The following ATP2C1 variants were observed in gnomAD, a reference collection of about 807,000 sequenced individuals.
ATP2C1 encodes calcium-transporting ATPase type 2C member 1.
Under a neutral mutation model 120.5 loss-of-function variants are expected in ATP2C1, and 31 were observed. That is an observed-to-expected ratio of 0.26 (90% CI 0.19 to 0.35). The LOEUF is 0.35. Among genes scored for constraint, ATP2C1 ranks in the 10% least tolerant of loss-of-function variants. The pLI, the probability that ATP2C1 is intolerant of heterozygous loss-of-function variation, is 1.00. For missense variants in ATP2C1, 731 were observed against 1,107.5 expected (o/e 0.66, Z 4.83); for synonymous variants, 351 against 358.7 (o/e 0.98, Z 0.24).
At chr3:130,965,783 T>C (rs921428060) in intron 14 of ATP2C1, among the ~76,000 whole-genome samples, 4 of 152,116 alleles carry the variant, frequency 2.6e-5, no homozygotes, top group African/African-American at 9.7e-5. Flanking sequence ...TATGTTGTCT[T>C]AGCATTTCAT....
intron 17 of ATP2C1, among the ~76,000 whole-genome samples, chr3:130,970,930 G>A (rs1440422673): frequency 6.6e-6 from 1 of 151,924 alleles, no homozygotes; most frequent in East Asian, 1.9e-4. Context: ...GTTCATGAGG[G>A]CCAAAAAAAA....
At chr3:130,869,876 A>G (rs2068374105) in intron 1 of ATP2C1, among the ~76,000 whole-genome samples, 1 of 152,262 alleles carries the variant, frequency 6.6e-6, no homozygotes, top group Non-Finnish European at 1.5e-5. Flanking sequence ...GAGAAGTGGC[A>G]GCAAGTAATC....
At position 131,014,230 on chromosome 3, in the gene ATP2C1, T is replaced by C. The variant is rs1291058493; in HGVS notation, c.2630-1922T>C. ...TTTTTTTTTGAATTTGATCTACCTT[T>C]TGGTAGGAATATTTCAGCGGGGGCA... On this transcript the variant is annotated intron_variant, in intron 26 of 26. Transcript: ENST00000328560. The C allele has an allele frequency of 1.9e-6, 3 of 1,613,870 alleles. No homozygotes were observed. Among genetic ancestry groups the C allele is most frequent in the Admixed American group, 3.3e-5 (2 of 59,972 alleles).
At chr3:130,947,321 G>A (rs1325005779) in intron 8 of ATP2C1, among the ~76,000 whole-genome samples, 2 of 152,024 alleles carry the variant, frequency 1.3e-5, no homozygotes, top group Non-Finnish European at 2.9e-5. Flanking sequence ...CACATTTAAG[G>A]TGTATCGTTC....
intron 2 of ATP2C1, among the ~76,000 whole-genome samples, chr3:130,913,087 ACT>A (rs2058513644): frequency 9.1e-6 from 1 of 109,836 alleles, no homozygotes; most frequent in Non-Finnish European, 1.7e-5. Flanking sequence ...GGAATATCAC[ACT>A]CTGGGGACTG....
intron 2 of ATP2C1, among the ~76,000 whole-genome samples, chr3:130,896,383 A>G (rs760537840): frequency 1.2e-4 from 19 of 152,174 alleles, no homozygotes; most frequent in Non-Finnish European, 2.6e-4. Context: ...TTTCATAGTA[A>G]AAGATTATAC....
chr3:131,011,738 G>A (rs982220063), intron 26 of ATP2C1, among the ~76,000 whole-genome samples: 2 of 152,194 alleles, frequency 1.3e-5, no homozygotes, highest in Non-Finnish European at 2.9e-5. Context: ...ACTGCTTTAT[G>A]TAAGGGTAAA....
rs72985765 is a variant in ATP2C1 at position 130,982,474 on chromosome 3, C to T, written c.1839+1795C>T. Among the ~76,000 whole-genome samples the T allele has an allele frequency of 3.7e-3, 559 of 152,272 alleles. 2 individuals are homozygous for T. Among genetic ancestry groups the T allele is most frequent in the African/African-American group, 0.013 (535 of 41,538 alleles). On this transcript the variant is annotated intron_variant, in intron 20 of 27. Transcript: ENST00000510168. The stretch of plus-strand genomic sequence containing the variant: ...AGCCTGGTTTGTGGATACCCAGGTC[C>T]CATAGGAAGTGCCCCATAAGAGGTG...
At chr3:130,909,793 T>C (rs1332492308) in intron 2 of ATP2C1, among the ~76,000 whole-genome samples, 1 of 152,136 alleles carries the variant, frequency 6.6e-6, no homozygotes, top group African/African-American at 2.4e-5. Context: ...GAATTATTAT[T>C]GTAGAGCCTT....
chr3:130,860,379 C>T (rs2067976292), intron 1 of ATP2C1, among the ~76,000 whole-genome samples: 1 of 152,214 alleles, frequency 6.6e-6, no homozygotes, highest in Non-Finnish European at 1.5e-5. Flanking sequence ...GGAATTATTT[C>T]TTTCCTACTC....
At chr3:130,999,760 G>A in intron 27 of ATP2C1, 101 bp downstream of exon 27, 1 of 1,132,424 alleles carries the variant, frequency 8.8e-7, no homozygotes, top group Non-Finnish European at 1.3e-6. Flanking sequence ...AGCAAAATAA[G>A]TAACTCACTT....
intron 1 of ATP2C1, among the ~76,000 whole-genome samples, chr3:130,885,381 ATG>A (rs2068940063): frequency 1.3e-5 from 2 of 151,724 alleles, no homozygotes; most frequent in Admixed American, 1.3e-4. Context: ...CTATTTTGTT[ATG>A]TGTTTTCTAG....
chr3:130,894,149 T>TGGCCCA lies in ATP2C1; in HGVS notation c.-369_-368insGGCCCA. 1 of 694,854 alleles carries TGGCCCA rather than the reference T, an allele frequency of 1.4e-6. No individual in the cohort carries two copies. Among genetic ancestry groups the TGGCCCA allele is most frequent in the Non-Finnish European group, 1.8e-6 (1 of 565,210 alleles). The allele number at this position is 694,854 out of a possible 1,614,324, so 43.0% of individuals were successfully genotyped here. A position where few individuals can be genotyped will look rare whatever the true frequency, so the allele number is the denominator to read the frequency against. On this transcript the variant is annotated 5_prime_UTR_variant, in exon 1 of 28. Transcript: ENST00000510168. The surrounding 1 kb of genome is among the most constrained non-coding windows in gnomAD (Gnocchi z 4.5). ...ACGGGTCCCCTCACCTCCTCTTCTC[T>TGGCCCA]CCCCTCCCCGCCCGCCCTCTCTCCC...
intron 17 of ATP2C1, among the ~76,000 whole-genome samples, chr3:130,973,559 G>A (rs146548801): frequency 0.013 from 1,955 of 152,176 alleles, 21 homozygotes; most frequent in Admixed American, 0.02. Context: ...GAGCATATAC[G>A]GTGTGGATAT....
intron 1 of ATP2C1, among the ~76,000 whole-genome samples, chr3:130,866,359 A>G (rs1261316504): frequency 6.6e-6 from 1 of 152,174 alleles, no homozygotes; most frequent in Non-Finnish European, 1.5e-5. Context: ...ATGTTATCCA[A>G]CTTATTTTCT....
intron 1 of ATP2C1, among the ~76,000 whole-genome samples, chr3:130,853,631 C>T (rs2067746316): frequency 6.6e-6 from 1 of 152,166 alleles, no homozygotes; most frequent in African/African-American, 2.4e-5. Flanking sequence ...TAAATGGGCT[C>T]AGTGAAAAGC....
intron 2 of ATP2C1, among the ~76,000 whole-genome samples, chr3:130,895,125 C>T (rs191765954): frequency 6.6e-6 from 1 of 152,236 alleles, no homozygotes; most frequent in Admixed American, 6.5e-5. Flanking sequence ...AAATGGGGGA[C>T]AAGGGGATGG....
downstream of ATP2C1, among the ~76,000 whole-genome samples, chr3:131,007,293 C>T (rs1197053908): frequency 6.6e-6 from 1 of 152,212 alleles, no homozygotes; most frequent in Non-Finnish European, 1.5e-5. Context: ...ATTTGCAGGT[C>T]ACCGTACACA....
downstream of ATP2C1, among the ~76,000 whole-genome samples, chr3:131,006,629 G>C (rs915427998): frequency 1.7e-5 from 1 of 59,778 alleles, no homozygotes; most frequent in South Asian, 6.7e-4. Context: ...GATTTCTAGT[G>C]TGTGTTTGTG....
Sources: gnomAD v4.1 joint callset for allele counts (sites outside exome capture counted in the v4.1 genomes callset) on GRCh38, gnomAD v4.1.1 for gene constraint, Gnocchi (gnomAD v3.1) non-coding constraint, MANE v1.5 for transcripts, NCBI Gene and HGNC (gene_info 2026-07-23, HGNC 2026-07-21) for gene names.